CTNND2: variants seen among roughly 807,000 people sequenced by gnomAD.
The protein encoded by CTNND2 is catenin delta-2.
Under a neutral mutation model 144.4 loss-of-function variants are expected in CTNND2, and 22 were observed. That is an observed-to-expected ratio of 0.15 (90% CI 0.11 to 0.22). The LOEUF (loss-of-function observed/expected upper bound fraction) is 0.22. CTNND2 is among the 10% of genes least tolerant of loss of function. The pLI, the probability that CTNND2 is intolerant of heterozygous loss-of-function variation, is 1.00. For missense variants in CTNND2, 1,353 were observed against 1,618.8 expected, an observed-to-expected ratio of 0.84 and a Z score of 2.82; for synonymous variants, 751 against 695.6, an observed-to-expected ratio of 1.08 and a Z score of -1.25.
At chr5:11,091,857 G>T (rs1750807369) in intron 15 of CTNND2, among the ~76,000 whole-genome samples, 1 of 152,082 alleles carries the variant, frequency 6.6e-6, no homozygotes, top group Non-Finnish European at 1.5e-5. Flanking sequence ...CCCAGCCTTG[G>T]GTATTTGCCT....
chr5:11,495,011 T>C (rs1289573456), intron 3 of CTNND2, among the ~76,000 whole-genome samples: 4 of 152,164 alleles, frequency 2.6e-5, no homozygotes, highest in African/African-American at 9.7e-5. Context: ...TTCTCCTCAC[T>C]GCTTGACTTA....
intron 2 of CTNND2, among the ~76,000 whole-genome samples, chr5:11,631,761 CTAA>C (rs1781426346): frequency 6.6e-6 from 1 of 152,168 alleles, no homozygotes; most frequent in Non-Finnish European, 1.5e-5. Flanking sequence ...CATGCTGAGA[CTAA>C]TGACTCTGAT....
chr5:11,511,225 G>GA (rs1229115074), intron 3 of CTNND2, among the ~76,000 whole-genome samples: 1 of 152,114 alleles, frequency 6.6e-6, no homozygotes, highest in Non-Finnish European at 1.5e-5. Context: ...ACTTTCTTAA[G>GA]AAAAAATATC....
At chr5:11,476,033 TA>T (rs1210507689) in intron 3 of CTNND2, among the ~76,000 whole-genome samples, 14 of 142,836 alleles carry the variant, frequency 9.8e-5, no homozygotes, top group Middle Eastern at 3.5e-3. Context: ...CTAATTTTTC[TA>T]TTTTTTTTTT....
At chr5:11,769,269 C>T (rs1282676657) in intron 1 of CTNND2, among the ~76,000 whole-genome samples, 3 of 152,066 alleles carry the variant, frequency 2.0e-5, no homozygotes, top group African/African-American at 7.2e-5. Flanking sequence ...AAAGTTGGGG[C>T]CTCCAGAGGT....
intron 1 of CTNND2, among the ~76,000 whole-genome samples, chr5:11,857,466 C>T (rs1048084640): frequency 1.3e-5 from 2 of 152,108 alleles, no homozygotes; most frequent in South Asian, 2.1e-4. Flanking sequence ...GCACGAGAGC[C>T]GGACAGGGTG....
chr5:11,573,998 A>G (rs909395839), intron 2 of CTNND2, among the ~76,000 whole-genome samples: 1 of 152,188 alleles, frequency 6.6e-6, no homozygotes, highest in Admixed American at 6.5e-5. Flanking sequence ...TAATTCCATT[A>G]TGCTTAAAAA....
chr5:11,784,569 C>G (rs1790729162), intron 1 of CTNND2, among the ~76,000 whole-genome samples: 2 of 152,110 alleles, frequency 1.3e-5, no homozygotes, highest in African/African-American at 2.4e-5. Context: ...AGGGATTTTT[C>G]CAGATAGAAT....
chr5:11,892,730 A>G (rs1438509154), intron 1 of CTNND2, among the ~76,000 whole-genome samples: 1 of 151,978 alleles, frequency 6.6e-6, no homozygotes, highest in African/African-American at 2.4e-5. Flanking sequence ...ATCCCAGCCC[A>G]CCACATCTCA....
chr5:11,016,368 G>A (rs149645144), intron 18 of CTNND2, among the ~76,000 whole-genome samples: 243 of 152,308 alleles, frequency 1.6e-3, no homozygotes, highest in Middle Eastern at 3.4e-3. Flanking sequence ...AATAGTTAAG[G>A]GAAGTTAGAA....
chr5:11,592,800 A>G (rs74553970), intron 2 of CTNND2, among the ~76,000 whole-genome samples: 4,420 of 151,476 alleles, frequency 0.029, 103 homozygotes, highest in East Asian at 0.12. Flanking sequence ...AGGGCTAAGA[A>G]GAGCAAGCAG....
At chr5:11,454,287 G>A (rs893768222) in intron 3 of CTNND2, among the ~76,000 whole-genome samples, 9 of 152,104 alleles carry the variant, frequency 5.9e-5, no homozygotes, top group African/African-American at 1.9e-4. Flanking sequence ...GGGCGTGGTG[G>A]TGTGTGCCTG....
intron 3 of CTNND2, among the ~76,000 whole-genome samples, chr5:11,455,204 A>C (rs1765630751): frequency 6.6e-6 from 1 of 151,896 alleles, no homozygotes; most frequent in Non-Finnish European, 1.5e-5. Flanking sequence ...TGAAAAATGG[A>C]ACTGAAGTAG....
chr5:11,812,811 A>T (rs1792412270), intron 1 of CTNND2, among the ~76,000 whole-genome samples: 1 of 152,124 alleles, frequency 6.6e-6, no homozygotes, highest in African/African-American at 2.4e-5. Context: ...AGTGCTGGGA[A>T]CCACACAAAA....
intron 3 of CTNND2, among the ~76,000 whole-genome samples, chr5:11,468,100 T>C (rs1766840668): frequency 6.6e-6 from 1 of 152,172 alleles, no homozygotes; most frequent in African/African-American, 2.4e-5. Flanking sequence ...CATCAAAAAC[T>C]GCACAGGCAG....
rs376541968 is a variant in CTNND2, at chr5:11,126,891, C to A, written c.2160-9324G>T. Reference sequence around the variant, plus strand: ...GACACGGAACATAATAAACATGTTTCCAGCAAAAAAGCAGCTCATGCAATG... The same window carrying A: ...GACACGGAACATAATAAACATGTTTACAGCAAAAAAGCAGCTCATGCAATG... On this transcript the variant is annotated intron_variant, in intron 12 of 21. Coordinates refer to ENST00000304623, the MANE Select transcript of CTNND2 (RefSeq NM_001332.4). Among the ~76,000 whole-genome samples, 40 of 152,238 alleles carry A rather than the reference C, an allele frequency of 2.6e-4. No individual in the cohort carries two copies. The East Asian group carries it at 5.2e-3, about 20-fold the overall frequency.
At chr5:11,551,277 A>G (rs1035546861) in intron 3 of CTNND2, among the ~76,000 whole-genome samples, 1 of 151,906 alleles carries the variant, frequency 6.6e-6, no homozygotes, top group East Asian at 1.9e-4. Context: ...CCTCTGAGCA[A>G]TGCCTTTACC....
intron 12 of CTNND2, among the ~76,000 whole-genome samples, chr5:11,156,817 T>A (rs749896699): frequency 3.3e-5 from 5 of 151,972 alleles, no homozygotes; most frequent in Non-Finnish European, 7.4e-5. Context: ...GAATTTGAAG[T>A]AAGAAAGAAG....
intron 2 of CTNND2, among the ~76,000 whole-genome samples, chr5:11,648,911 C>T (rs1472885944): frequency 6.6e-6 from 1 of 152,174 alleles, no homozygotes; most frequent in Non-Finnish European, 1.5e-5. Flanking sequence ...TTTTCAGCTC[C>T]ATTTACTTTA....
Sources: allele counts gnomAD v4.1 joint callset (sites outside exome capture counted in the v4.1 genomes callset), GRCh38; gene constraint gnomAD v4.1.1; transcripts MANE v1.5; gene names NCBI Gene and HGNC (gene_info 2026-07-23, HGNC 2026-07-21).